UNC13C: variants seen among roughly 807,000 people sequenced by gnomAD.
The protein encoded by UNC13C is protein unc-13 homolog C.
UNC13C carries 174 observed loss-of-function variants against 245.4 expected under a neutral mutation model. The observed-to-expected ratio is 0.71, with a 90% CI of 0.63 to 0.80. The LOEUF is 0.80. UNC13C is among the 30% of genes least tolerant of loss of function. The pLI is 0.00. For missense variants in UNC13C, 2,829 were observed against 2,602.9 expected (o/e 1.09, Z -1.89); for synonymous variants, 992 against 895.1 (o/e 1.11, Z -1.93).
chr15:54,123,822 G>T (rs2030847149), intron 2 of UNC13C, among the ~76,000 whole-genome samples: 1 of 151,984 alleles, frequency 6.6e-6, no homozygotes, highest in Non-Finnish European at 1.5e-5. Context: ...CTCTCTCCCT[G>T]GTTCTGTCTC....
chr15:53,879,333 T>C, the UNC13C span, among the ~76,000 whole-genome samples: 1 of 151,986 alleles, frequency 6.6e-6, no homozygotes. Context: ...AGCTAATTTT[T>C]AGAAAATTTT....
chr15:54,091,059 G>A (rs1007202491), intron 2 of UNC13C, among the ~76,000 whole-genome samples: 3 of 140,096 alleles, frequency 2.1e-5, no homozygotes, highest in Non-Finnish European at 3.1e-5. Context: ...CACAGAAGCT[G>A]GGCGGGGTGG....
intron 13 of UNC13C, among the ~76,000 whole-genome samples, chr15:54,301,861 C>G (rs2037592386): frequency 6.6e-6 from 1 of 152,090 alleles, no homozygotes; most frequent in South Asian, 2.1e-4. Context: ...GAGGAATCAC[C>G]ACACTGTGTT....
At chr15:54,512,747 G>A (rs1354040558) in intron 24 of UNC13C, among the ~76,000 whole-genome samples, 5 of 152,114 alleles carry the variant, frequency 3.3e-5, no homozygotes, top group African/African-American at 1.2e-4. Flanking sequence ...TATGAGATGT[G>A]CGTAATGCTA....
At chr15:54,277,749 AAT>A (rs1357505624) in intron 10 of UNC13C, among the ~76,000 whole-genome samples, 1 of 152,230 alleles carries the variant, frequency 6.6e-6, no homozygotes. Context: ...AATTAAAACA[AAT>A]AATTCAGTTG....
chr15:53,849,390 A>G, the UNC13C span, among the ~76,000 whole-genome samples: 1 of 152,044 alleles, frequency 6.6e-6, no homozygotes, highest in Non-Finnish European at 1.5e-5. Context: ...TGTAAGGTCT[A>G]CAATATAAAA....
At chr15:54,203,507 C>T (rs959869806) in intron 4 of UNC13C, among the ~76,000 whole-genome samples, 41 of 141,152 alleles carry the variant, frequency 2.9e-4, no homozygotes, top group South Asian at 1.5e-3. Flanking sequence ...TATATATACA[C>T]ACACACACAC....
At chr15:54,305,872 C>G (rs889096343) in intron 13 of UNC13C, among the ~76,000 whole-genome samples, 1 of 151,984 alleles carries the variant, frequency 6.6e-6, no homozygotes, top group Non-Finnish European at 1.5e-5. Flanking sequence ...ATTGTACCTT[C>G]TTTTGATATT....
chr15:54,482,267 G>T (rs1378317768), intron 19 of UNC13C, among the ~76,000 whole-genome samples: 3 of 152,038 alleles, frequency 2.0e-5, no homozygotes, highest in Admixed American at 2.0e-4. Flanking sequence ...AGCCCTCTGG[G>T]CACAGGATAG....
chr15:54,198,596 C>T (rs549897803), intron 4 of UNC13C, among the ~76,000 whole-genome samples: 49 of 152,188 alleles, frequency 3.2e-4, no homozygotes, highest in Admixed American at 2.4e-3. Flanking sequence ...GGTGGGTAGA[C>T]GCAGAATAAC....
At chr15:54,267,301 A>T (rs1050626467) in intron 10 of UNC13C, among the ~76,000 whole-genome samples, 4 of 146,198 alleles carry the variant, frequency 2.7e-5, no homozygotes, top group Non-Finnish European at 5.9e-5. Context: ...AAAACAAAAA[A>T]ACCCTGATGG....
chr15:54,569,021 A>T (rs1897635609), intron 30 of UNC13C, among the ~76,000 whole-genome samples: 1 of 152,212 alleles, frequency 6.6e-6, no homozygotes, highest in Admixed American at 6.5e-5. Flanking sequence ...CAAGAGATGC[A>T]GAAATATTCA....
chr15:54,371,416 G>C (rs1264046428), intron 17 of UNC13C, among the ~76,000 whole-genome samples: 1 of 152,000 alleles, frequency 6.6e-6, no homozygotes, highest in African/African-American at 2.4e-5. Context: ...CGCCATTCTT[G>C]CCATCAACAT....
At chr15:53,963,691 T>A in the UNC13C span, among the ~76,000 whole-genome samples, 1 of 152,102 alleles carries the variant, frequency 6.6e-6, no homozygotes, top group South Asian at 2.1e-4. Flanking sequence ...GGAAGGCTTG[T>A]TAAAGATGAG....
At chr15:53,887,678 C>T in the UNC13C span, among the ~76,000 whole-genome samples, 2 of 152,082 alleles carry the variant, frequency 1.3e-5, no homozygotes, top group African/African-American at 2.4e-5. Context: ...AACCCACATA[C>T]ATTAGGTATT....
At chr15:54,414,887 G>A in intron 18 of UNC13C, 95 bp from the exon 19 acceptor site, 2 of 664,262 alleles carry the variant, frequency 3.0e-6, no homozygotes, top group Non-Finnish European at 5.0e-6. Context: ...TATGAACTAT[G>A]TAATAACTAC....
chr15:54,181,144 A>T (rs1387024970), intron 4 of UNC13C, among the ~76,000 whole-genome samples: 2 of 152,026 alleles, frequency 1.3e-5, no homozygotes, highest in African/African-American at 4.8e-5. Flanking sequence ...TCTTGCATTT[A>T]AATCTTTAAT....
chr15:54,361,485 A>G lies in UNC13C; in HGVS notation c.4713+22996A>G, dbSNP rs575595518. Among the ~76,000 whole-genome samples the G allele has an allele frequency of 3.3e-5, 5 of 152,292 alleles. No homozygotes were observed. In the South Asian group the frequency reaches 6.2e-4, roughly 19 times the overall value. ...TTCTGAATTTTCTGACAGACATTTC[A>G]TAGATACTCAATCTGTGCCCCTTGC... On this transcript the variant is annotated intron_variant, in intron 17 of 32. Coordinates refer to ENST00000260323, the MANE Select transcript of UNC13C (RefSeq NM_001080534.3).
intron 19 of UNC13C, among the ~76,000 whole-genome samples, chr15:54,423,791 A>T (rs1053290346): frequency 6.6e-6 from 1 of 151,860 alleles, no homozygotes; most frequent in Admixed American, 6.6e-5. Flanking sequence ...TTATATATTT[A>T]ACTTTGTATT....
Sources: gnomAD v4.1 joint callset for allele counts (sites outside exome capture counted in the v4.1 genomes callset) on GRCh38, gnomAD v4.1.1 for gene constraint, MANE v1.5 for transcripts, NCBI Gene and HGNC (gene_info 2026-07-23, HGNC 2026-07-21) for gene names.